Variants in NALCN observed in about 807,000 individuals in gnomAD.
NALCN encodes sodium leak channel, non-selective, also known as sodium leak channel NALCN.
In NALCN, 111 loss-of-function variants were observed where a neutral mutation model predicts 225.3. The observed-to-expected ratio is 0.49, with a 90% CI of 0.42 to 0.58. The LOEUF is 0.58. NALCN is among the 20% of genes least tolerant of loss of function. The pLI is 0.00. For synonymous variants in NALCN, 764 were observed against 769.0 expected, an observed-to-expected ratio of 0.99 and a Z score of 0.11; for missense variants, 1,378 against 2,202.4, an observed-to-expected ratio of 0.63 and a Z score of 7.49.
intron 3 of NALCN, among the ~76,000 whole-genome samples, chr13:101,394,080 G>T (rs2047217626): frequency 6.6e-6 from 1 of 152,118 alleles, no homozygotes; most frequent in Non-Finnish European, 1.5e-5. Flanking sequence ...AAATGACTTG[G>T]TTTCTCAGAT....
chr13:101,314,081 T>C (rs962961284), intron 7 of NALCN, among the ~76,000 whole-genome samples: 3 of 145,360 alleles, frequency 2.1e-5, no homozygotes, highest in Non-Finnish European at 4.5e-5. Context: ...AAACACCGCA[T>C]GTTCTCACTC....
At chr13:101,094,403 C>G (rs775693097) in intron 28 of NALCN, among the ~76,000 whole-genome samples, 1 of 152,032 alleles carries the variant, frequency 6.6e-6, no homozygotes. Flanking sequence ...ATGAAATGCC[C>G]CAGTGTTCTC....
chr13:101,165,682 C>T (rs749366521), intron 15 of NALCN, among the ~76,000 whole-genome samples: 6 of 152,176 alleles, frequency 3.9e-5, no homozygotes, highest in African/African-American at 1.4e-4. Flanking sequence ...TGCCACGTTG[C>T]GCAGGCTGAT....
chr13:101,370,408 T>C (rs548451278), intron 6 of NALCN, among the ~76,000 whole-genome samples: 20 of 152,306 alleles, frequency 1.3e-4, no homozygotes, highest in Non-Finnish European at 1.3e-4. Flanking sequence ...TGAGTTGACA[T>C]AGTGTTATGA....
At chr13:101,074,429 AT>A in intron 36 of NALCN, 84 bp downstream of exon 36, 1 of 1,304,672 alleles carries the variant, frequency 7.7e-7, no homozygotes, top group Admixed American at 2.8e-5. Flanking sequence ...CTAGACTTTA[AT>A]AGACAAAAAA....
rs537726107 is a variant in NALCN at position 101,248,539 on chromosome 13, C to T, written c.1266+9904G>A. ...CACTGGCCATGTCAGAAACTCCAAC[C>T]TTGTGTGCATGGCCAGTGATTCCAG... is the stretch of plus-strand genomic sequence containing the variant. On this transcript the variant is annotated intron_variant, in intron 11 of 43. Transcript: ENST00000251127. Among the ~76,000 whole-genome samples, 3 of 152,204 alleles carry T rather than the reference C, an allele frequency of 2.0e-5. No homozygotes were observed. In the South Asian group the frequency reaches 6.2e-4, roughly 32 times the overall value.
chr13:101,398,715 T>C (rs552894142), intron 2 of NALCN, among the ~76,000 whole-genome samples: 1 of 152,288 alleles, frequency 6.6e-6, no homozygotes, highest in South Asian at 2.1e-4. Flanking sequence ...TTGCTCATCT[T>C]GGACCCCAGC....
intron 3 of NALCN, among the ~76,000 whole-genome samples, chr13:101,387,997 A>G (rs1009600271): frequency 6.6e-6 from 1 of 152,182 alleles, no homozygotes; most frequent in Non-Finnish European, 1.5e-5. Flanking sequence ...ATCAAGCCCA[A>G]TATACTCTTT....
chr13:101,217,916 C>A (rs149594902), intron 13 of NALCN, among the ~76,000 whole-genome samples: 16 of 152,232 alleles, frequency 1.1e-4, no homozygotes, highest in African/African-American at 3.8e-4. Context: ...TATTTACAAA[C>A]CTTGTTTGCA....
At chr13:101,058,130 A>G in intron 42 of NALCN, 74 bp from the exon 43 acceptor site, 1 of 1,288,842 alleles carries the variant, frequency 7.8e-7, no homozygotes. Context: ...TAAGAAAGGA[A>G]AACACATGGC....
At chr13:101,352,819 T>C (rs1165382540) in intron 6 of NALCN, among the ~76,000 whole-genome samples, 1 of 152,220 alleles carries the variant, frequency 6.6e-6, no homozygotes, top group Non-Finnish European at 1.5e-5. Context: ...TACATTGTTA[T>C]TACCTTTTTT....
intron 11 of NALCN, among the ~76,000 whole-genome samples, chr13:101,258,101 G>A (rs2042299129): frequency 6.6e-6 from 1 of 152,168 alleles, no homozygotes; most frequent in African/African-American, 2.4e-5. Context: ...CTGAATCTGT[G>A]CCTGCTTGTA....
At chr13:101,349,299 T>C (rs1305431419) in intron 6 of NALCN, among the ~76,000 whole-genome samples, 1 of 152,182 alleles carries the variant, frequency 6.6e-6, no homozygotes. Context: ...AAATTTTAGT[T>C]TTATCTTCTG....
intron 15 of NALCN, among the ~76,000 whole-genome samples, chr13:101,160,144 CA>C (rs1276608635): frequency 6.6e-6 from 1 of 151,976 alleles, no homozygotes. Context: ...TTAGTAGAGA[CA>C]GGGTTTCACC....
intron 11 of NALCN, among the ~76,000 whole-genome samples, chr13:101,238,478 A>C (rs886185641): frequency 2.6e-5 from 4 of 151,974 alleles, no homozygotes; most frequent in Non-Finnish European, 5.9e-5. Context: ...ATATTAATAA[A>C]ATTAATGATC....
At chr13:101,081,721 AT>A (rs2033662850) in intron 33 of NALCN, 75 bp from the exon 34 acceptor site, 1 of 1,530,650 alleles carries the variant, frequency 6.5e-7, no homozygotes, top group African/African-American at 1.4e-5. Context: ...CTTGAGATGC[AT>A]TATGTGTATG....
intron 7 of NALCN, among the ~76,000 whole-genome samples, chr13:101,319,063 C>A (rs2044654628): frequency 6.6e-6 from 1 of 152,198 alleles, no homozygotes; most frequent in Admixed American, 6.5e-5. Context: ...AAAATACCTG[C>A]AGCTCAAATG....
At chr13:101,339,193 G>C (rs572030618) in intron 7 of NALCN, among the ~76,000 whole-genome samples, 1 of 152,280 alleles carries the variant, frequency 6.6e-6, no homozygotes, top group African/African-American at 2.4e-5. Flanking sequence ...GTGTCACTTC[G>C]ACAGTGTGGC....
Position 101,292,165 on chromosome 13 carries a change from A to C in NALCN, c.942+59T>G. ...AAGCAGAGGGCAACCAAAACCAAAC[A>C]AAAGATCTGCAGAACTATCACAGAA... On this transcript the variant is annotated intron_variant, in intron 8 of 43. Coordinates refer to ENST00000251127, the MANE Select transcript of NALCN (RefSeq NM_052867.4). This position sits in a 1 kb window ranked among gnomAD's most constrained non-coding sequence, Gnocchi z 4.3. 1 of 1,612,412 alleles carries C rather than the reference A, an allele frequency of 6.2e-7. No individual in the cohort carries two copies. The highest frequency in any genetic ancestry group is 8.5e-7 in the Non-Finnish European group (1 of 1,179,018).
Sources: gnomAD v4.1 joint callset for allele counts (sites outside exome capture counted in the v4.1 genomes callset) on GRCh38, gnomAD v4.1.1 for gene constraint, Gnocchi (gnomAD v3.1) non-coding constraint, MANE v1.5 for transcripts, NCBI Gene and HGNC (gene_info 2026-07-23, HGNC 2026-07-21) for gene names.